Variants in UBE2G1 observed in about 807,000 individuals in gnomAD.
UBE2G1 encodes the protein ubiquitin-conjugating enzyme E2 G1.
A neutral mutation model predicts 22.7 loss-of-function variants in UBE2G1; 5 were observed. The ratio of observed to expected loss-of-function variants is 0.22; its 90% CI spans 0.12 to 0.46. The LOEUF (loss-of-function observed/expected upper bound fraction) is 0.46, where lower values mean the gene tolerates loss of function less well. Ranked by LOEUF, UBE2G1 falls within the 20% of genes least tolerant of loss-of-function variation. The pLI is 0.99. For missense variants in UBE2G1, 88 were observed against 203.9 expected (o/e 0.43, Z 3.46); for synonymous variants, 74 against 67.5 (o/e 1.10, Z -0.47).
chr17:4,334,769 C>T (rs796714617), intron 1 of UBE2G1, among the ~76,000 whole-genome samples: 9 of 152,182 alleles, frequency 5.9e-5, no homozygotes, highest in African/African-American at 2.2e-4. Flanking sequence ...AAACTCCTGA[C>T]CTCAACTGAT....
intron 4 of UBE2G1, among the ~76,000 whole-genome samples, chr17:4,285,110 C>T (rs1253348868): frequency 6.6e-6 from 1 of 152,124 alleles, no homozygotes. Flanking sequence ...TCCCAAAGTG[C>T]TGGGATTACA....
chr17:4,340,243 C>G (rs1031075067), intron 1 of UBE2G1, among the ~76,000 whole-genome samples: 1 of 152,190 alleles, frequency 6.6e-6, no homozygotes, highest in Non-Finnish European at 1.5e-5. Flanking sequence ...TTTATATCCC[C>G]TCTTTCATCC....
intron 1 of UBE2G1, among the ~76,000 whole-genome samples, chr17:4,340,413 CT>C (rs1316576957): frequency 2.0e-5 from 3 of 152,192 alleles, no homozygotes; most frequent in Non-Finnish European, 4.4e-5. Flanking sequence ...AATGTTCCCA[CT>C]TTATCTGCAC....
intron 3 of UBE2G1, 61 bp downstream of exon 3, chr17:4,296,656 G>A: frequency 6.8e-7 from 1 of 1,462,834 alleles, no homozygotes; most frequent in Non-Finnish European, 9.6e-7. Context: ...TATTGACCTT[G>A]AACACTTCAA....
intron 5 of UBE2G1, among the ~76,000 whole-genome samples, chr17:4,281,229 T>A (rs1195254855): frequency 1.3e-5 from 2 of 152,232 alleles, no homozygotes; most frequent in African/African-American, 2.4e-5. Flanking sequence ...GAAATGTACC[T>A]ATTTGCAACA....
At chr17:4,319,322 A>G (rs1053298714) in intron 1 of UBE2G1, among the ~76,000 whole-genome samples, 2 of 152,228 alleles carry the variant, frequency 1.3e-5, no homozygotes, top group African/African-American at 4.8e-5. Flanking sequence ...AAACAAGTCC[A>G]GTATAGGTGG....
chr17:4,279,775 C>A (rs1567513650), intron 5 of UBE2G1, among the ~76,000 whole-genome samples: 1 of 88,990 alleles, frequency 1.1e-5, no homozygotes, highest in East Asian at 3.3e-4. Flanking sequence ...ACTCTGCCCC[C>A]AAAAAAAAGT....
At chr17:4,280,957 A>C (rs1475921083) in intron 5 of UBE2G1, among the ~76,000 whole-genome samples, 1 of 152,140 alleles carries the variant, frequency 6.6e-6, no homozygotes, top group Non-Finnish European at 1.5e-5. Flanking sequence ...TATCCTTGCC[A>C]ATGGGACTAT....
At chr17:4,305,836 C>T (rs1288258716) in intron 2 of UBE2G1, among the ~76,000 whole-genome samples, 1 of 152,202 alleles carries the variant, frequency 6.6e-6, no homozygotes, top group Admixed American at 6.5e-5. Flanking sequence ...GCCAACGCAC[C>T]AAGCCAGCAG....
intron 1 of UBE2G1, among the ~76,000 whole-genome samples, chr17:4,329,564 A>G (rs1969545500): frequency 6.6e-6 from 1 of 152,090 alleles, no homozygotes; most frequent in Admixed American, 6.6e-5. Flanking sequence ...AAAAAAAAAA[A>G]AGAGACTGAG....
At chr17:4,359,291 A>T (rs907733641) in intron 1 of UBE2G1, among the ~76,000 whole-genome samples, 4 of 152,200 alleles carry the variant, frequency 2.6e-5, no homozygotes, top group African/African-American at 9.6e-5. Context: ...TGTTTTTTGT[A>T]TTTTTAACAT....
chr17:4,307,147 C>A, intron 1 of UBE2G1, 24 bp from the exon 2 acceptor site: 1 of 1,588,550 alleles, frequency 6.3e-7, no homozygotes, highest in South Asian at 1.1e-5. Context: ...AAAGTTTAAT[C>A]AATACATTTA....
chr17:4,309,594 T>TCTCA (rs1039695782), intron 1 of UBE2G1, among the ~76,000 whole-genome samples: 1 of 152,232 alleles, frequency 6.6e-6, no homozygotes, highest in Non-Finnish European at 1.5e-5. Context: ...TCCTGTCAAC[T>TCTCA]GAGGAACAGA....
intron 4 of UBE2G1, among the ~76,000 whole-genome samples, chr17:4,283,514 A>G (rs1968920833): frequency 6.6e-6 from 1 of 152,198 alleles, no homozygotes; most frequent in African/African-American, 2.4e-5. Flanking sequence ...AAAGACATTC[A>G]GTTGGTAATC....
chr17:4,324,834 T>C (rs1157000413), intron 1 of UBE2G1, among the ~76,000 whole-genome samples: 5 of 152,098 alleles, frequency 3.3e-5, no homozygotes, highest in Non-Finnish European at 7.4e-5. Context: ...TCCCAGCATT[T>C]TGGGAGGCCA....
In UBE2G1 at chr17:4,341,693, T is replaced by G. The variant is rs528318612; in HGVS notation, c.46+24578A>C. 1.4e-3 allele frequency among the ~76,000 whole-genome samples: 212 copies of G among 152,318 alleles called. 1 individual carries two copies. The highest frequency in any genetic ancestry group is 4.8e-3 in the African/African-American group (199 of 41,568). On this transcript the variant is annotated intron_variant, in intron 1 of 5. Coordinates refer to ENST00000396981, the MANE Select transcript of UBE2G1 (RefSeq NM_003342.5). ...CTTTAAGAGTTGTCTTCATTCCTTA[T>G]CTCCACTTGCTGCTCTCCTTCCATT...
chr17:4,281,424 G>A (rs1468013612), intron 5 of UBE2G1, among the ~76,000 whole-genome samples: 5 of 152,146 alleles, frequency 3.3e-5, no homozygotes, highest in Admixed American at 1.3e-4. Context: ...AGAAAGCAGC[G>A]GAGTGTAGGG....
chr17:4,282,440 T>A (rs1466386681), intron 5 of UBE2G1, among the ~76,000 whole-genome samples: 1 of 152,190 alleles, frequency 6.6e-6, no homozygotes, highest in East Asian at 1.9e-4. Context: ...ATACCCTACA[T>A]AATACAGTAT....
chr17:4,313,945 A>G (rs1444323919), intron 1 of UBE2G1, among the ~76,000 whole-genome samples: 3 of 152,192 alleles, frequency 2.0e-5, no homozygotes, highest in Non-Finnish European at 4.4e-5. Flanking sequence ...TAAGTCATGG[A>G]AAATAATGCA....
Sources: gnomAD v4.1 joint callset for allele counts (sites outside exome capture counted in the v4.1 genomes callset) on GRCh38, gnomAD v4.1.1 for gene constraint, MANE v1.5 for transcripts, NCBI Gene and HGNC (gene_info 2026-07-23, HGNC 2026-07-21) for gene names.